Variants in THTPA observed in about 807,000 individuals in gnomAD.
THTPA encodes thiamine-triphosphatase.
In THTPA, 16 loss-of-function variants were observed where a neutral mutation model predicts 16.5. The observed-to-expected ratio is 0.97, with a 90% CI of 0.66 to 1.47. The LOEUF (loss-of-function observed/expected upper bound fraction) is 1.47. Ranked by LOEUF, THTPA falls within the 40% of genes most tolerant of loss-of-function variation. The pLI, the probability that THTPA is intolerant of heterozygous loss-of-function variation, is 0.00. For synonymous variants in THTPA, 110 were observed against 115.5 expected (o/e 0.95, Z 0.30); for missense variants, 281 against 280.9 (o/e 1.00, Z 0.00).
the THTPA span, among the ~76,000 whole-genome samples, chr14:23,545,214 C>T: frequency 1.3e-5 from 2 of 152,160 alleles, no homozygotes; most frequent in East Asian, 1.9e-4. Flanking sequence ...ACTTCATTAT[C>T]GTCGTTAATT....
chr14:23,530,483 A>G, the THTPA span: 15 of 611,550 alleles, frequency 2.5e-5, no homozygotes, highest in East Asian at 5.2e-4. Context: ...GACCAAACTC[A>G]GCTCCCTGTC....
At chr14:23,532,588 T>C in the THTPA span, 153 of 1,443,474 alleles carry the variant, frequency 1.1e-4, 3 homozygotes, top group South Asian at 2.1e-3. Context: ...GGCTGTTTTC[T>C]TCGTGGGCTG....
At chr14:23,541,670 G>A in the THTPA span, among the ~76,000 whole-genome samples, 12 of 152,140 alleles carry the variant, frequency 7.9e-5, no homozygotes, top group Admixed American at 4.6e-4. Context: ...CATTATTCCA[G>A]AGCAAAGAGT....
At chr14:23,533,312 C>A in the THTPA span, 2 of 1,437,790 alleles carry the variant, frequency 1.4e-6, no homozygotes, top group African/African-American at 2.9e-5. The surrounding 1 kb of genome is among the most constrained non-coding windows in gnomAD (Gnocchi z 4.8). Flanking sequence ...CGGGCAGGTG[C>A]TCCTACGTGG....
the THTPA span, chr14:23,529,803 G>C: frequency 1.7e-5 from 26 of 1,528,630 alleles, no homozygotes; most frequent in Non-Finnish European, 2.1e-5. Flanking sequence ...AAGGAACCCT[G>C]ACAGCCCTCA....
the THTPA span, among the ~76,000 whole-genome samples, chr14:23,517,977 A>G: frequency 6.6e-6 from 1 of 152,032 alleles, no homozygotes; most frequent in Non-Finnish European, 1.5e-5. Flanking sequence ...AGCTTTTTCT[A>G]CCTACTTTTG....
At chr14:23,531,420 G>C in the THTPA span, 2 of 1,343,706 alleles carry the variant, frequency 1.5e-6, no homozygotes, top group Non-Finnish European at 1.9e-6. Context: ...CAGCCCCCCT[G>C]CTCCCCACAT....
the THTPA span, chr14:23,531,472 C>T: frequency 7.1e-7 from 1 of 1,398,850 alleles, no homozygotes; most frequent in Non-Finnish European, 9.3e-7. Flanking sequence ...CCAGTCCCTT[C>T]TTCCTCACCG....
At chr14:23,538,320 AC>A in the THTPA span, among the ~76,000 whole-genome samples, 8 of 148,686 alleles carry the variant, frequency 5.4e-5, no homozygotes, top group Admixed American at 4.0e-4. Flanking sequence ...TCCTCCCCCA[AC>A]CCCAACTCCC....
chr14:23,531,886 C>CAT, the THTPA span: 5 of 932,922 alleles, frequency 5.4e-6, no homozygotes, highest in Non-Finnish European at 7.0e-6. Context: ...CAGTGATTCT[C>CAT]ATGCCTCAGC....
chr14:23,559,729 C>G lies in THTPA; in HGVS notation c.*889C>G. ...TGGGGTTTGGGACACAGGAGAATTT[C>G]AGGCTGTGAGTGGAGACAGTTACTG... On this transcript the variant is annotated 3_prime_UTR_variant, in exon 2 of 2. Transcript: ENST00000288014. 1 of 1,612,572 alleles carries G rather than the reference C, an allele frequency of 6.2e-7. No individual in the cohort carries two copies. The highest frequency in any genetic ancestry group is 8.5e-7 in the Non-Finnish European group (1 of 1,179,086).
chr14:23,534,612 G>A, the THTPA span: 4 of 1,536,160 alleles, frequency 2.6e-6, no homozygotes, highest in Non-Finnish European at 3.5e-6. This position sits in a 1 kb window ranked among gnomAD's most constrained non-coding sequence, Gnocchi z 4.5. Flanking sequence ...ACAGAAGGCA[G>A]AGCCAGAAGA....
chr14:23,524,841 C>G, the THTPA span: 1 of 1,537,020 alleles, frequency 6.5e-7, no homozygotes, highest in South Asian at 1.2e-5. This position sits in a 1 kb window ranked among gnomAD's most constrained non-coding sequence, Gnocchi z 5.6. Flanking sequence ...TCTTCCTCCT[C>G]CTCTTCAAGG....
At chr14:23,551,282 AAGAG>A (rs1163760936), upstream of THTPA, 2 of 152,414 alleles carry the variant, frequency 1.3e-5, no homozygotes, top group Non-Finnish European at 2.9e-5. The surrounding 1 kb of genome is among the most constrained non-coding windows in gnomAD (Gnocchi z 5.3). Context: ...GGAAGGGAAG[AAGAG>A]AGAGAGGGAG....
the THTPA span, chr14:23,522,297 C>G: frequency 1.3e-6 from 2 of 1,509,760 alleles, no homozygotes; most frequent in Non-Finnish European, 1.8e-6. Flanking sequence ...GGGGCCTCCC[C>G]GTCAAATGCC....
At chr14:23,526,130 A>C in the THTPA span, 1 of 1,536,488 alleles carries the variant, frequency 6.5e-7, no homozygotes, top group African/African-American at 1.4e-5. Flanking sequence ...AGTCTGATGC[A>C]GAACTGACCG....
At chr14:23,556,220 C>A (rs116282655), upstream of THTPA, 3,900 of 154,108 alleles carry the variant, frequency 0.025, 174 homozygotes, top group African/African-American at 0.085. Context: ...CGGGACCTGC[C>A]GGGCGCGCGG....
the THTPA span, among the ~76,000 whole-genome samples, chr14:23,541,747 T>C: frequency 6.6e-6 from 1 of 152,242 alleles, no homozygotes; most frequent in Non-Finnish European, 1.5e-5. Flanking sequence ...TATTCTGGCC[T>C]TTCCCTGCAT....
At chr14:23,535,151 G>A in the THTPA span, 3 of 1,536,036 alleles carry the variant, frequency 2.0e-6, no homozygotes, top group Non-Finnish European at 2.6e-6. This position sits in a 1 kb window ranked among gnomAD's most constrained non-coding sequence, Gnocchi z 4.5. Context: ...TCCAGGAGCT[G>A]TCCCCCTGGC....
Sources: gnomAD v4.1 joint callset for allele counts (sites outside exome capture counted in the v4.1 genomes callset) on GRCh38, gnomAD v4.1.1 for gene constraint, Gnocchi (gnomAD v3.1) non-coding constraint, MANE v1.5 for transcripts, NCBI Gene and HGNC (gene_info 2026-07-23, HGNC 2026-07-21) for gene names.